Variants in PCDHGA6 observed in about 807,000 individuals in gnomAD.
The protein encoded by PCDHGA6 is protocadherin gamma-A6.
Under a neutral mutation model 60.6 loss-of-function variants are expected in PCDHGA6, and 41 were observed. The observed-to-expected ratio is 0.68, with a 90% CI of 0.53 to 0.88. The LOEUF is 0.88. Ranked by LOEUF, PCDHGA6 falls within the 40% of genes least tolerant of loss-of-function variation. The probability of loss-of-function intolerance (pLI) is 0.00; values close to 1 mark genes in which losing one functional copy is unlikely to be tolerated. For missense variants in PCDHGA6, 1,312 were observed against 1,203.0 expected, an observed-to-expected ratio of 1.09 and a Z score of -1.34; for synonymous variants, 594 against 524.4, an observed-to-expected ratio of 1.13 and a Z score of -1.81.
chr5:141,487,671 G>A lies in PCDHGA6; in HGVS notation c.2425-7136G>A. The A allele has an allele frequency of 6.2e-7, 1 of 1,612,012 alleles. No homozygotes were observed. The highest frequency in any genetic ancestry group is 8.5e-7 in the Non-Finnish European group (1 of 1,178,932). ...GAGGGTTATTCTGATCCAGGCATAT[G>A]GCTAGGCCATGTCCTAGAGAGTACT... On this transcript the variant is annotated intron_variant, in intron 1 of 3. Transcript: ENST00000517434. This position sits in a 1 kb window ranked among gnomAD's most constrained non-coding sequence, Gnocchi z 5.0.
intron 1 of PCDHGA6, among the ~76,000 whole-genome samples, chr5:141,482,326 G>T (rs982211258): frequency 6.6e-6 from 1 of 152,072 alleles, no homozygotes. Context: ...AAAATAAAGA[G>T]AATATCTACT....
intron 1 of PCDHGA6, among the ~76,000 whole-genome samples, chr5:141,466,121 CA>C (rs908379481): frequency 4.8e-5 from 7 of 146,852 alleles, no homozygotes; most frequent in Non-Finnish European, 6.0e-5. Context: ...GACTCCAGCT[CA>C]AAAAAAAAAT....
In PCDHGA6 at chr5:141,510,983, C is replaced by T; in HGVS notation, c.2609C>T (p.Ala870Val). The change falls in exon 4 of 4, where the codon GCC becomes GTC. Residue 870 changes from alanine to valine, a missense_variant. Transcript: ENST00000517434. The stretch of plus-strand genomic sequence containing the variant: ...GGGAGCTCCACCCTGGGAGGGGGTG[C>T]CGGCACCATGGGATTGAGCGCCCGC... ...ADGSSTLGGG[A>V]GTMGLSARYG... The T allele has an allele frequency of 6.2e-7, 1 of 1,614,162 alleles. No homozygotes were observed. The highest frequency in any genetic ancestry group is 8.5e-7 in the Non-Finnish European group (1 of 1,180,012).
At chr5:141,436,588 G>A (rs1182294845) in intron 1 of PCDHGA6, among the ~76,000 whole-genome samples, 3 of 152,138 alleles carry the variant, frequency 2.0e-5, no homozygotes, top group Non-Finnish European at 2.9e-5. Context: ...AATTTGAAAG[G>A]TCGTGGTGAT....
chr5:141,431,435 G>C lies in PCDHGA6; in HGVS notation c.2424+54928G>C, dbSNP rs376827063. The C allele has an allele frequency of 6.2e-7, 1 of 1,613,668 alleles. No homozygotes were observed. The highest frequency in any genetic ancestry group is 1.7e-5 in the Admixed American group (1 of 60,010). On this transcript the variant is annotated intron_variant, in intron 1 of 3. Coordinates refer to ENST00000517434, the MANE Select transcript of PCDHGA6 (RefSeq NM_018919.3). This position sits in a 1 kb window ranked among gnomAD's most constrained non-coding sequence, Gnocchi z 4.8. ...GGGCGACCCGGTGCGCACAGGCACC[G>C]CGCGCATCCGCGTGATGGTTCTGGA...
chr5:141,383,319 A>T, intron 1 of PCDHGA6: 2 of 1,614,020 alleles, frequency 1.2e-6, no homozygotes, highest in Non-Finnish European at 1.7e-6. Context: ...AAATAAATGT[A>T]AAAATAATGG....
chr5:141,501,013 C>A (rs1456343329), intron 2 of PCDHGA6, among the ~76,000 whole-genome samples: 6 of 151,970 alleles, frequency 3.9e-5, no homozygotes, highest in Non-Finnish European at 8.8e-5. Flanking sequence ...GGACTACAGG[C>A]ACGCGCCACC....
chr5:141,383,562 C>T (rs1371686723), intron 1 of PCDHGA6: 2 of 1,613,098 alleles, frequency 1.2e-6, no homozygotes, highest in Non-Finnish European at 1.7e-6. Context: ...GCGACCCGCC[C>T]CGATCCAGCA....
chr5:141,450,386 A>T (rs1208546397), intron 1 of PCDHGA6, among the ~76,000 whole-genome samples: 2 of 152,192 alleles, frequency 1.3e-5, no homozygotes, highest in Non-Finnish European at 2.9e-5. Flanking sequence ...TGAAACTGAC[A>T]TTTGTAAAGA....
intron 1 of PCDHGA6, chr5:141,379,577 A>G (rs949228726): frequency 6.6e-6 from 1 of 152,178 alleles, no homozygotes; most frequent in African/African-American, 2.4e-5. Flanking sequence ...AGGCTGGTTT[A>G]TTTTATTCTC....
At chr5:141,463,834 A>G (rs1212299231) in intron 1 of PCDHGA6, among the ~76,000 whole-genome samples, 4 of 152,108 alleles carry the variant, frequency 2.6e-5, no homozygotes, top group East Asian at 1.9e-4. Flanking sequence ...TCCACTTCCC[A>G]GTTGTTATAG....
chr5:141,472,145 A>C (rs1376068421), intron 1 of PCDHGA6, among the ~76,000 whole-genome samples: 1 of 152,244 alleles, frequency 6.6e-6, no homozygotes, highest in Non-Finnish European at 1.5e-5. Context: ...TAAAAGTTTC[A>C]TGGTTACATA....
intron 1 of PCDHGA6, chr5:141,410,157 C>T: frequency 6.2e-7 from 1 of 1,613,546 alleles, no homozygotes; most frequent in Non-Finnish European, 8.5e-7. Context: ...GGTGGACAGC[C>T]GCCACTCTCT....
intron 1 of PCDHGA6, chr5:141,384,384 C>T (rs142665639): frequency 6.2e-7 from 1 of 1,613,816 alleles, no homozygotes; most frequent in Non-Finnish European, 8.5e-7. Flanking sequence ...CCGAAGACAC[C>T]ATCCAGGGGG....
intron 1 of PCDHGA6, chr5:141,404,276 G>A (rs754510135): frequency 6.2e-7 from 1 of 1,613,992 alleles, no homozygotes; most frequent in Non-Finnish European, 8.5e-7. Context: ...CACCCTGCAA[G>A]TGACTGACAT....
intron 1 of PCDHGA6, chr5:141,384,537 G>A: frequency 1.2e-6 from 2 of 1,614,248 alleles, no homozygotes; most frequent in Non-Finnish European, 1.7e-6. Flanking sequence ...GCAGCAACAT[G>A]TCACTGAGCC....
rs764696444 is a variant in PCDHGA6 at position 141,375,374 on chromosome 5, C to A, written c.1291C>A (p.Pro431Thr). Residue 431 changes from proline (P) to threonine (T), a missense_variant, in exon 1 of 4, where the codon CCT becomes ACT. Coordinates refer to ENST00000517434, the MANE Select transcript of PCDHGA6 (RefSeq NM_018919.3). Reference sequence around the variant, plus strand: ...GACAGCCACGGACAAAGGAACACCACCTCTGTCTACAGAAACAATCATCTC... The same window carrying A: ...GACAGCCACGGACAAAGGAACACCAACTCTGTCTACAGAAACAATCATCTC... ...TVTATDKGTPPLSTETIISLN... is the reference protein window; with the variant it reads ...TVTATDKGTPTLSTETIISLN... The A allele has an allele frequency of 2.4e-5, 38 of 1,613,952 alleles. No homozygotes were observed. In the South Asian group the frequency reaches 3.6e-4, roughly 15 times the overall value.
intron 1 of PCDHGA6, chr5:141,383,126 C>T (rs1024955582): frequency 6.2e-7 from 1 of 1,614,062 alleles, no homozygotes; most frequent in African/African-American, 1.3e-5. Context: ...CAGCTTTTCG[C>T]CCTGAACCAG....
rs897737501 is a variant in PCDHGA6 at position 141,376,069 on chromosome 5, G to T, written c.1986G>T (p.Val662=). 13 of 1,613,452 alleles carry T rather than the reference G, an allele frequency of 8.1e-6. No homozygotes were observed. The highest frequency in any genetic ancestry group is 1.0e-5 in the Non-Finnish European group (12 of 1,179,892). The change falls in exon 1 of 4, where the codon GTG becomes GTT. Residue 662 remains valine, a synonymous_variant. Coordinates refer to ENST00000517434, the MANE Select transcript of PCDHGA6 (RefSeq NM_018919.3). ...PPLSATVTLT[V]AVADRIPDIL... is the part of the protein sequence containing the mutation. ...TCTCCGCCACTGTCACGCTCACCGT[G>T]GCCGTGGCCGACAGGATCCCCGACA...
Sources: allele counts gnomAD v4.1 joint callset (sites outside exome capture counted in the v4.1 genomes callset), GRCh38; gene constraint gnomAD v4.1.1; non-coding constraint Gnocchi (gnomAD v3.1); transcripts MANE v1.5; gene names NCBI Gene and HGNC (gene_info 2026-07-23, HGNC 2026-07-21).